The following CSMD1 variants were observed in gnomAD, a reference collection of about 807,000 sequenced individuals.
CSMD1 encodes the protein CUB and sushi domain-containing protein 1.
A neutral mutation model predicts 417.5 loss-of-function variants in CSMD1; 213 were observed. That is an observed-to-expected ratio of 0.51 (90% CI 0.46 to 0.57). The LOEUF (loss-of-function observed/expected upper bound fraction) is 0.57, where lower values mean the gene tolerates loss of function less well. CSMD1 is among the 20% of genes least tolerant of loss of function. The pLI is 0.00. For missense variants in CSMD1, 6,923 were observed against 4,529.7 expected (o/e 1.53, Z -15.17); for synonymous variants, 2,862 against 1,736.8 (o/e 1.65, Z -16.11).
At chr8:3,586,975 T>C (rs1800630089) in intron 8 of CSMD1, among the ~76,000 whole-genome samples, 1 of 152,142 alleles carries the variant, frequency 6.6e-6, no homozygotes, top group African/African-American at 2.4e-5. Context: ...AATTTTTGTA[T>C]TTTTAGTAGA....
intron 3 of CSMD1, among the ~76,000 whole-genome samples, chr8:4,402,351 G>A (rs867736730): frequency 3.3e-5 from 5 of 151,548 alleles, no homozygotes; most frequent in African/African-American, 1.2e-4. Flanking sequence ...TCCTTCCCCT[G>A]ACTGCACCCT....
At chr8:3,993,026 C>G (rs974344192) in intron 5 of CSMD1, among the ~76,000 whole-genome samples, 9 of 152,202 alleles carry the variant, frequency 5.9e-5, no homozygotes, top group African/African-American at 1.9e-4. Context: ...CTGTGGGTCC[C>G]TGGCTGGAGC....
intron 1 of CSMD1, among the ~76,000 whole-genome samples, chr8:4,955,651 T>G (rs913015209): frequency 1.3e-5 from 2 of 152,110 alleles, no homozygotes; most frequent in Non-Finnish European, 2.9e-5. Context: ...AGACGGGCTT[T>G]CCCCATATTG....
At chr8:3,867,801 A>G (rs1333108310) in intron 5 of CSMD1, among the ~76,000 whole-genome samples, 1 of 152,096 alleles carries the variant, frequency 6.6e-6, no homozygotes, top group Non-Finnish European at 1.5e-5. Flanking sequence ...AGTATGACTC[A>G]CATTCCAACT....
At chr8:4,068,908 A>C (rs1208616306) in intron 3 of CSMD1, among the ~76,000 whole-genome samples, 2 of 152,240 alleles carry the variant, frequency 1.3e-5, no homozygotes, top group Admixed American at 1.3e-4. Flanking sequence ...TATAATAACC[A>C]AATAATAATT....
intron 3 of CSMD1, among the ~76,000 whole-genome samples, chr8:4,057,617 G>A (rs925625782): frequency 3.3e-5 from 5 of 150,054 alleles, no homozygotes; most frequent in African/African-American, 1.2e-4. Context: ...CCATGCCTAT[G>A]TCCTGAATGG....
chr8:4,129,998 G>A (rs970587712), intron 3 of CSMD1, among the ~76,000 whole-genome samples: 1 of 151,944 alleles, frequency 6.6e-6, no homozygotes, highest in Middle Eastern at 3.4e-3. Flanking sequence ...GTGTTTATTG[G>A]GAATTTTGCC....
intron 1 of CSMD1, among the ~76,000 whole-genome samples, chr8:4,856,851 G>T (rs1215685772): frequency 6.6e-6 from 1 of 151,920 alleles, no homozygotes; most frequent in Non-Finnish European, 1.5e-5. Flanking sequence ...ACATTACACA[G>T]ATCAACGAGA....
rs143076292 is a variant in CSMD1 at position 4,982,885 on chromosome 8, A to G, written c.85+11447T>C. Among the ~76,000 whole-genome samples the G allele has an allele frequency of 3.9e-3, 598 of 152,242 alleles. 5 individuals are homozygous for G. Among genetic ancestry groups the G allele is most frequent in the African/African-American group, 0.014 (578 of 41,552 alleles). On this transcript the variant is annotated intron_variant, in intron 1 of 69. Coordinates refer to ENST00000635120, the MANE Select transcript of CSMD1 (RefSeq NM_033225.6). ...AAGAATGCAGGAAAGGTAATTTTGT[A>G]ACTGCAGTTGTAAAAGAAAGAGACT... is the stretch of plus-strand genomic sequence containing the variant.
chr8:4,066,471 T>C (rs9314510), intron 3 of CSMD1, among the ~76,000 whole-genome samples: 56,245 of 152,164 alleles, frequency 0.37, 11,007 homozygotes, highest in Non-Finnish European at 0.41. Flanking sequence ...AAATAAATGA[T>C]GTAAGCATTA....
intron 7 of CSMD1, among the ~76,000 whole-genome samples, chr8:3,688,335 GC>G (rs1377647008): frequency 6.6e-6 from 1 of 152,108 alleles, no homozygotes; most frequent in Non-Finnish European, 1.5e-5. Context: ...CCTTACAAAT[GC>G]CAGTAGAAAG....
In CSMD1 at chr8:4,359,003, G is replaced by A. The variant is rs146774490; in HGVS notation, c.415+60950C>T. Among the ~76,000 whole-genome samples, 43 of 151,864 alleles carry A rather than the reference G, an allele frequency of 2.8e-4. 1 individual carries two copies. The East Asian group carries it at 8.1e-3, about 29-fold the overall frequency. ...ACACACATTTAAGTTGACATATATA[G>A]GCATATAATATATACATATATGCCT... On this transcript the variant is annotated intron_variant, in intron 3 of 69. Transcript: ENST00000635120.
At chr8:3,138,168 G>C (rs932512679) in intron 41 of CSMD1, among the ~76,000 whole-genome samples, 6 of 152,250 alleles carry the variant, frequency 3.9e-5, no homozygotes, top group African/African-American at 1.4e-4. Flanking sequence ...AGAGGGTGCA[G>C]TGAGCTGAGA....
chr8:4,031,162 C>T (rs1185134440), intron 4 of CSMD1, among the ~76,000 whole-genome samples: 2 of 152,196 alleles, frequency 1.3e-5, no homozygotes, highest in Non-Finnish European at 2.9e-5. Context: ...GTTCCAAAGT[C>T]GCTTCCACAT....
intron 3 of CSMD1, among the ~76,000 whole-genome samples, chr8:4,109,594 T>G (rs1563135352): frequency 6.6e-6 from 1 of 152,164 alleles, no homozygotes; most frequent in African/African-American, 2.4e-5. Flanking sequence ...GCAGGAGCAT[T>G]TGCCTTTGGA....
chr8:3,467,079 G>C (rs367929661), intron 12 of CSMD1, among the ~76,000 whole-genome samples: 4 of 152,168 alleles, frequency 2.6e-5, no homozygotes, highest in Non-Finnish European at 5.9e-5. Flanking sequence ...GGTGGCTACT[G>C]AGACTCTTAC....
chr8:4,300,587 G>C (rs1797929318), intron 3 of CSMD1, among the ~76,000 whole-genome samples: 1 of 152,040 alleles, frequency 6.6e-6, no homozygotes, highest in African/African-American at 2.4e-5. Context: ...ACAACGTGCG[G>C]GTTTGTTTCA....
intron 26 of CSMD1, among the ~76,000 whole-genome samples, chr8:3,231,661 G>A (rs757952209): frequency 2.6e-5 from 4 of 152,084 alleles, no homozygotes; most frequent in Admixed American, 6.6e-5. Flanking sequence ...AATAATTCAG[G>A]ACAAGAGAAA....
At chr8:4,658,380 A>T (rs924599492) in intron 1 of CSMD1, among the ~76,000 whole-genome samples, 4 of 152,122 alleles carry the variant, frequency 2.6e-5, no homozygotes, top group Non-Finnish European at 4.4e-5. Context: ...TACACAACAG[A>T]TCCTTAGAAA....
Sources: gnomAD v4.1 joint callset for allele counts (sites outside exome capture counted in the v4.1 genomes callset) on GRCh38, gnomAD v4.1.1 for gene constraint, MANE v1.5 for transcripts, NCBI Gene and HGNC (gene_info 2026-07-23, HGNC 2026-07-21) for gene names.